Variants in MORC4 observed in about 807,000 individuals in gnomAD.
MORC4 encodes the protein MORC family CW-type zinc finger 4.
In MORC4, 22 loss-of-function variants were observed where a neutral mutation model predicts 65.5. That is an observed-to-expected ratio of 0.34 (90% CI 0.24 to 0.48). MORC4 has a LOEUF of 0.48. Ranked by LOEUF, MORC4 falls within the 20% of genes least tolerant of loss-of-function variation. MORC4 has a pLI of 0.99. For missense variants in MORC4, 624 were observed against 703.0 expected, an observed-to-expected ratio of 0.89 and a Z score of 1.27; for synonymous variants, 267 against 255.8, an observed-to-expected ratio of 1.04 and a Z score of -0.42.
At chrX:106,976,324 C>T (rs898606908) in intron 9 of MORC4, among the ~76,000 whole-genome samples, 18 of 111,793 alleles carry the variant, frequency 1.6e-4, no homozygotes, top group African/African-American at 3.6e-4. Flanking sequence ...TTCATTTCCC[C>T]AGAAATCTTT....
chrX:106,996,944 A>C (rs1044604549), intron 2 of MORC4, among the ~76,000 whole-genome samples: 8 of 111,961 alleles, frequency 7.1e-5, no homozygotes, highest in Non-Finnish European at 1.5e-4. Flanking sequence ...AGTGCTTCAC[A>C]AGCCTCTCAT....
At position 106,942,989 on chromosome X, in the gene MORC4, C is replaced by A; in HGVS notation, c.1902G>T (p.Lys634Asn). Residue 634 changes from lysine to asparagine, a missense_variant, in exon 15 of 17, where the codon AAG (lysine) becomes AAT (asparagine). Physicochemically the swap from Lys to Asn is moderately conservative, Grantham distance 94 (BLOSUM62 0). Transcript: ENST00000355610. ...AAACCTCCCTATTCTGACCTGTATT[C>A]TTGCTTGCTTCTGGGTATTCTGGGA... ...YLFPEYPEAS[K>N]NTGQNREVSI... 8.3e-7 allele frequency: 1 copy of A among 1,211,379 alleles called. No individual in the cohort carries two copies. The highest frequency in any genetic ancestry group is 1.1e-6 in the Non-Finnish European group (1 of 895,310).
intron 14 of MORC4, among the ~76,000 whole-genome samples, chrX:106,954,700 CT>C (rs1934060066): frequency 1.8e-5 from 2 of 112,039 alleles, no homozygotes; most frequent in South Asian, 7.4e-4. Context: ...AAATGATCAC[CT>C]CAAAATTATA....
At chrX:106,963,735 A>G (rs1486510997) in intron 9 of MORC4, among the ~76,000 whole-genome samples, 2 of 111,490 alleles carry the variant, frequency 1.8e-5, no homozygotes, top group Non-Finnish European at 3.8e-5. Context: ...AAGGACATTC[A>G]AAAGCAATTG....
intron 16 of MORC4, 58 bp downstream of exon 16, chrX:106,941,880 C>T (rs1003137373): frequency 3.0e-5 from 33 of 1,115,231 alleles, no homozygotes; most frequent in Non-Finnish European, 4.0e-5. Context: ...AAGTGGGGGT[C>T]CTAAGGGATG....
intron 9 of MORC4, among the ~76,000 whole-genome samples, chrX:106,962,667 A>G (rs1183062375): frequency 8.9e-6 from 1 of 112,040 alleles, no homozygotes; most frequent in Non-Finnish European, 1.9e-5. Context: ...GCACTCCAAC[A>G]TTCTACCACA....
chrX:106,958,578 T>C (rs1934163641), intron 10 of MORC4, 114 bp from the exon 11 acceptor site: 4 of 626,597 alleles, frequency 6.4e-6, no homozygotes, highest in Non-Finnish European at 6.9e-6. Context: ...ATGAAATATG[T>C]TGGGAATGTT....
At position 106,941,507 on chromosome X, in the gene MORC4, A is replaced by G. The variant is rs1182460757; in HGVS notation, c.2786T>C (p.Val929Ala). 1 of 1,209,624 alleles carries G rather than the reference A, an allele frequency of 8.3e-7. No homozygotes were observed. ...SEQVDGILYT[V>A]LEANHILD is the part of the protein sequence containing the mutation. ...ATCCAGTATGTGATTTGCCTCCAGC[A>G]CCGTGTACAGGATCCCATCCACTTG... Residue 929 changes from valine to alanine, a missense_variant, in exon 17 of 17, where the codon GTG (valine) becomes GCG (alanine). Transcript: ENST00000355610.
intron 14 of MORC4, among the ~76,000 whole-genome samples, chrX:106,947,591 A>AATATATATATT (rs1933877114): frequency 1.2e-5 from 1 of 83,142 alleles, no homozygotes; most frequent in African/African-American, 5.5e-5. Flanking sequence ...ATATATATAT[A>AATATATATATT]ATATATATAT....
chrX:106,981,268 A>G, intron 6 of MORC4, 77 bp downstream of exon 6: 1 of 1,038,203 alleles, frequency 9.6e-7, no homozygotes, highest in Non-Finnish European at 1.3e-6. Context: ...GTATAACTAA[A>G]AGAAGATCTT....
Position 106,961,942 on chromosome X carries a change from A to G in MORC4, c.1256+70T>C. The stretch of plus-strand genomic sequence containing the variant: ...AGCAGGAACCAAATCCAGACACATT[A>G]CCCTTGTTCCTTCCATTTGATCTAT... On this transcript the variant is annotated intron_variant, in intron 10 of 16. Coordinates refer to ENST00000355610, the MANE Select transcript of MORC4 (RefSeq NM_024657.5). 5 of 891,561 alleles carry G rather than the reference A, an allele frequency of 5.6e-6. No individual in the cohort carries two copies. The Admixed American group carries it at 1.2e-4, about 21-fold the overall frequency. The allele number at this position is 891,561 out of a possible 1,213,427, so 73.5% of individuals were successfully genotyped here.
chrX:106,982,782 AATTG>A (rs1934778240), intron 5 of MORC4, among the ~76,000 whole-genome samples: 1 of 111,618 alleles, frequency 9.0e-6, no homozygotes, highest in Admixed American at 9.6e-5. Context: ...ACTTTTTAAA[AATTG>A]ATTGGGAAAT....
chrX:106,971,150 G>A (rs1934501148), intron 9 of MORC4, among the ~76,000 whole-genome samples: 1 of 111,432 alleles, frequency 9.0e-6, no homozygotes, highest in Non-Finnish European at 1.9e-5. Context: ...GGAGGCCTCA[G>A]AAATAATACC....
At chrX:106,996,182 CTTTTTTT>C (rs565884580) in intron 2 of MORC4, among the ~76,000 whole-genome samples, 6 of 85,274 alleles carry the variant, frequency 7.0e-5, no homozygotes, top group Non-Finnish European at 1.2e-4. Flanking sequence ...TTACTAGGTA[CTTTTTTT>C]TTTTTTTTTT....
intron 14 of MORC4, among the ~76,000 whole-genome samples, chrX:106,948,872 C>T (rs1361766656): frequency 9.0e-6 from 1 of 111,403 alleles, no homozygotes; most frequent in Non-Finnish European, 1.9e-5. Flanking sequence ...AATATTTGCA[C>T]TATGATGTGT....
At chrX:106,970,419 G>C (rs1934481585) in intron 9 of MORC4, among the ~76,000 whole-genome samples, 1 of 111,833 alleles carries the variant, frequency 8.9e-6, no homozygotes, top group Admixed American at 9.5e-5. Flanking sequence ...ACTGGCATAA[G>C]GATGCCCTCT....
At chrX:106,972,450 G>T (rs189337583) in intron 9 of MORC4, among the ~76,000 whole-genome samples, 1 of 110,684 alleles carries the variant, frequency 9.0e-6, no homozygotes, top group African/African-American at 3.3e-5. Flanking sequence ...ATGTAACCCA[G>T]AATTTAAAGT....
At chrX:106,954,398 A>G (rs1364802879) in intron 14 of MORC4, among the ~76,000 whole-genome samples, 2 of 112,445 alleles carry the variant, frequency 1.8e-5, no homozygotes, top group Non-Finnish European at 3.8e-5. Flanking sequence ...GTGAACAAGT[A>G]AAGTCCAATG....
At chrX:106,996,348 G>T (rs6622131) in intron 2 of MORC4, among the ~76,000 whole-genome samples, 48,648 of 108,716 alleles carry the variant, frequency 0.45, 8,305 homozygotes, top group East Asian at 0.92. Flanking sequence ...GGGTCAGCTG[G>T]AGCAGTAGGG....
Sources: allele counts gnomAD v4.1 joint callset (sites outside exome capture counted in the v4.1 genomes callset), GRCh38; gene constraint gnomAD v4.1.1; transcripts MANE v1.5; gene names NCBI Gene and HGNC (gene_info 2026-07-23, HGNC 2026-07-21).